Variants in FHIT observed in about 807,000 individuals in gnomAD.
The protein encoded by FHIT is fragile histidine triad diadenosine triphosphatase, also known as bis(5'-adenosyl)-triphosphatase.
In FHIT, 19 loss-of-function variants were observed where a neutral mutation model predicts 17.9. The observed-to-expected ratio is 1.06, with a 90% CI of 0.74 to 1.56. The LOEUF (loss-of-function observed/expected upper bound fraction) is 1.56. Among genes scored for constraint, FHIT ranks in the 40% most tolerant of loss-of-function variants. The pLI is 0.00. For missense variants in FHIT, 248 were observed against 189.2 expected (o/e 1.31, Z -1.82); for synonymous variants, 81 against 69.7 (o/e 1.16, Z -0.81).
intron 5 of FHIT, among the ~76,000 whole-genome samples, chr3:60,280,053 A>G (rs1184777792): frequency 6.6e-6 from 1 of 150,720 alleles, no homozygotes; most frequent in Admixed American, 6.6e-5. Flanking sequence ...AAAAAACAAT[A>G]GAAGAAAACC....
chr3:60,350,215 A>T (rs1711017989), intron 5 of FHIT, among the ~76,000 whole-genome samples: 1 of 152,154 alleles, frequency 6.6e-6, no homozygotes, highest in South Asian at 2.1e-4. Flanking sequence ...CCCAACTCAG[A>T]TGCCTGAAGA....
chr3:61,082,401 G>C (rs1439076282), intron 2 of FHIT, among the ~76,000 whole-genome samples: 3 of 152,126 alleles, frequency 2.0e-5, no homozygotes, highest in African/African-American at 7.2e-5. Context: ...GTTGCAACTA[G>C]AAGTAATTGA....
At chr3:60,955,587 CATATATATACATATATATATATAT>C (rs1709076394) in intron 3 of FHIT, among the ~76,000 whole-genome samples, 3 of 22,934 alleles carry the variant, frequency 1.3e-4, no homozygotes, top group South Asian at 3.4e-3. Context: ...TCTGCTTAGG[CATATATATACATATATATATATAT>C]ATATATATAT....
intron 2 of FHIT, among the ~76,000 whole-genome samples, chr3:61,086,733 G>T (rs1013728717): frequency 1.3e-5 from 2 of 151,808 alleles, no homozygotes; most frequent in African/African-American, 2.4e-5. Flanking sequence ...TTATTCTCTT[G>T]GTGGATTATT....
chr3:60,114,488 C>CTTTTTTT (rs145618938), intron 5 of FHIT, among the ~76,000 whole-genome samples: 2,746 of 59,378 alleles, frequency 0.046, 601 homozygotes, highest in Non-Finnish European at 0.051. Context: ...CAAGAGAAAT[C>CTTTTTTT]CTTTTTTTTT....
At chr3:60,136,417 T>C (rs1454244924) in intron 5 of FHIT, among the ~76,000 whole-genome samples, 1 of 152,162 alleles carries the variant, frequency 6.6e-6, no homozygotes, top group African/African-American at 2.4e-5. Context: ...TCCAGACCCA[T>C]TATCTGGCAC....
chr3:60,497,072 A>G (rs1338276145), intron 5 of FHIT, among the ~76,000 whole-genome samples: 2 of 152,262 alleles, frequency 1.3e-5, no homozygotes, highest in Middle Eastern at 3.4e-3. Flanking sequence ...TTTGCCTCCC[A>G]CATGTGGCAA....
chr3:60,127,001 C>A (rs1399879150), intron 5 of FHIT, among the ~76,000 whole-genome samples: 1 of 152,148 alleles, frequency 6.6e-6, no homozygotes, highest in Non-Finnish European at 1.5e-5. Flanking sequence ...TAAATGCAGG[C>A]AAGCAAGGGA....
intron 5 of FHIT, among the ~76,000 whole-genome samples, chr3:60,130,984 CA>C (rs1699547222): frequency 1.1e-5 from 1 of 90,086 alleles, no homozygotes; most frequent in African/African-American, 3.7e-5. Flanking sequence ...TATATATACA[CA>C]TATATACACA....
chr3:61,172,687 T>G (rs1479758162), intron 2 of FHIT, among the ~76,000 whole-genome samples: 1 of 144,628 alleles, frequency 6.9e-6, no homozygotes, highest in Non-Finnish European at 1.6e-5. Context: ...TCCAAACACT[T>G]TCTGTGAGTT....
intron 5 of FHIT, among the ~76,000 whole-genome samples, chr3:60,399,784 T>C (rs1701589419): frequency 6.6e-6 from 1 of 152,190 alleles, no homozygotes; most frequent in South Asian, 2.1e-4. Context: ...AACTAGTCCC[T>C]ATCTCATTAG....
chr3:60,581,811 G>C (rs2037756893), intron 4 of FHIT, among the ~76,000 whole-genome samples: 1 of 152,128 alleles, frequency 6.6e-6, no homozygotes, highest in African/African-American at 2.4e-5. Context: ...TTTACAGTGG[G>C]AGAAGTATCA....
chr3:60,960,971 A>T (rs367792656), intron 3 of FHIT, among the ~76,000 whole-genome samples: 285 of 152,320 alleles, frequency 1.9e-3, no homozygotes, highest in African/African-American at 6.2e-3. Context: ...CTGGGTCAAA[A>T]GGTATTTCTA....
chr3:59,775,655 G>A (rs1474128668), intron 8 of FHIT, among the ~76,000 whole-genome samples: 2 of 152,214 alleles, frequency 1.3e-5, no homozygotes, highest in Admixed American at 6.5e-5. Flanking sequence ...TGGCCTGTAT[G>A]TGAGGATGAG....
intron 4 of FHIT, among the ~76,000 whole-genome samples, chr3:60,557,005 AG>A (rs2036763872): frequency 6.6e-6 from 1 of 152,258 alleles, no homozygotes; most frequent in Non-Finnish European, 1.5e-5. Context: ...CCATTCCGTT[AG>A]AAAACTTGTG....
At chr3:60,926,941 A>T (rs1707652023) in intron 3 of FHIT, among the ~76,000 whole-genome samples, 1 of 152,180 alleles carries the variant, frequency 6.6e-6, no homozygotes, top group South Asian at 2.1e-4. Flanking sequence ...ATGCAAATAA[A>T]CTACAAAATC....
At chr3:60,898,263 C>G (rs934701457) in intron 3 of FHIT, among the ~76,000 whole-genome samples, 3 of 151,926 alleles carry the variant, frequency 2.0e-5, no homozygotes, top group Non-Finnish European at 4.4e-5. Context: ...AATATTGAAC[C>G]AAATATTGTG....
At chr3:61,153,271 G>T (rs1025751629) in intron 2 of FHIT, among the ~76,000 whole-genome samples, 1 of 152,106 alleles carries the variant, frequency 6.6e-6, no homozygotes, top group African/African-American at 2.4e-5. Context: ...AAAAATAGTT[G>T]GCTTAATGAT....
chr3:61,102,760 C>T (rs2035872254), intron 2 of FHIT, among the ~76,000 whole-genome samples: 1 of 152,154 alleles, frequency 6.6e-6, no homozygotes, highest in African/African-American at 2.4e-5. Flanking sequence ...GGAGATTCAA[C>T]TTTTTCCTGG....
Sources: allele counts gnomAD v4.1 joint callset (sites outside exome capture counted in the v4.1 genomes callset), GRCh38; gene constraint gnomAD v4.1.1; transcripts MANE v1.5; gene names NCBI Gene and HGNC (gene_info 2026-07-23, HGNC 2026-07-21).